DMD: variants seen among roughly 807,000 people sequenced by gnomAD.
The protein encoded by DMD is mutant dystrophin.
A neutral mutation model predicts 330.1 loss-of-function variants in DMD; 63 were observed. The ratio of observed to expected loss-of-function variants is 0.19; its 90% confidence interval spans 0.16 to 0.24. The LOEUF (loss-of-function observed/expected upper bound fraction) is 0.24, where lower values mean the gene tolerates loss of function less well. Ranked by LOEUF, DMD falls within the 10% of genes least tolerant of loss-of-function variation. The pLI is 1.00. For synonymous variants in DMD, 1,223 were observed against 959.8 expected, an observed-to-expected ratio of 1.27 and a Z score of -5.07; for missense variants, 3,344 against 2,684.1, an observed-to-expected ratio of 1.25 and a Z score of -5.43.
At chrX:32,913,409 T>C (rs747350248) in intron 2 of DMD, among the ~76,000 whole-genome samples, 6 of 112,091 alleles carry the variant, frequency 5.4e-5, no homozygotes, top group African/African-American at 1.9e-4. Context: ...TAATCAAAAT[T>C]TATACTAAGG....
chrX:32,095,907 G>GTT (rs35171349), intron 44 of DMD, among the ~76,000 whole-genome samples: 162 of 103,786 alleles, frequency 1.6e-3, no homozygotes, highest in African/African-American at 3.8e-3. Flanking sequence ...TTGATTATAA[G>GTT]TTTTTTTTTT....
intron 60 of DMD, among the ~76,000 whole-genome samples, chrX:31,396,260 C>G (rs1227929557): frequency 9.1e-6 from 1 of 109,655 alleles, no homozygotes; most frequent in Non-Finnish European, 1.9e-5. Context: ...GCCTCAGCCT[C>G]CTGAGTAGCT....
rs1376953884 is a variant in DMD at position 32,616,706 on chromosome X, TTTTTTTTTTCTTTA to T, written c.1332-2267_1332-2254del. ...TTCTGGTTCCTTTTTTTTTTTTTTTTTTTTTTTTTCTTTAAAGAATGTTACTGAAACCCAAGATC... is the reference window on the plus strand; with the variant it reads ...TTCTGGTTCCTTTTTTTTTTTTTTTTAAGAATGTTACTGAAACCCAAGATC... On this transcript the variant is annotated intron_variant, in intron 11 of 78. Coordinates refer to ENST00000357033, the MANE Select transcript of DMD (RefSeq NM_004006.3). 1.9e-3 allele frequency among the ~76,000 whole-genome samples: 165 copies of T among 87,951 alleles called. 2 individuals carry two copies. The highest frequency in any genetic ancestry group is 9.6e-3 in the African/African-American group (156 of 16,250). The allele number at this position is 87,951 out of a possible 115,157, so 76.4% of individuals were successfully genotyped here. A position where few individuals can be genotyped will look rare whatever the true frequency, so the allele number is the denominator to read the frequency against.
rs1278945683 is a variant in DMD, at chrX:32,849,771, C to T, written c.143G>A (p.Arg48Lys). ...GCCTTCGAGGAGGTCTAGGAGGCGC[C>T]TCCCATCCTGTAGGTCACTGAAGAG... ...ENLFSDLQDG[R>K]RLLDLLEGLT... The change falls in exon 3 of 79, where the codon AGG becomes AAG. Residue 48 changes from arginine (R) to lysine (K), a missense_variant. Coordinates refer to ENST00000357033, the MANE Select transcript of DMD (RefSeq NM_004006.3). 1 of 1,210,046 alleles carries T rather than the reference C, an allele frequency of 8.3e-7. No homozygotes were observed. The highest frequency in any genetic ancestry group is 2.2e-5 in the Admixed American group (1 of 45,911).
chrX:31,287,380 A>G (rs2053302087), intron 62 of DMD, among the ~76,000 whole-genome samples: 1 of 112,575 alleles, frequency 8.9e-6, no homozygotes, highest in African/African-American at 3.2e-5. Flanking sequence ...CAAGAGAGGA[A>G]AAGAAAAACA....
chrX:32,726,384 G>C (rs888527771), intron 7 of DMD, among the ~76,000 whole-genome samples: 3 of 111,276 alleles, frequency 2.7e-5, no homozygotes, highest in Admixed American at 9.6e-5. Flanking sequence ...ATGGCAAATG[G>C]CCTTGTGTCA....
At position 32,644,362 on chromosome X, in the gene DMD, G is replaced by T. The variant is rs746517724; in HGVS notation, c.1150-49C>A. 132 of 1,163,821 alleles carry T rather than the reference G, an allele frequency of 1.1e-4. No homozygotes were observed. The South Asian group carries it at 2.3e-3, about 20-fold the overall frequency. The stretch of plus-strand genomic sequence containing the variant: ...TTGTAATTAGAACTCTAGGTAAATC[G>T]GTGTGGTTTTGAGTTTTATTTGTTT... On this transcript the variant is annotated intron_variant, in intron 10 of 78. Transcript: ENST00000357033.
At chrX:32,597,967 T>C (rs1293937992) in intron 12 of DMD, among the ~76,000 whole-genome samples, 1 of 112,312 alleles carries the variant, frequency 8.9e-6, no homozygotes, top group East Asian at 2.8e-4. Flanking sequence ...GTGCTGTCCC[T>C]ACTTGCAAAA....
intron 41 of DMD, among the ~76,000 whole-genome samples, chrX:32,335,098 T>G (rs977601033): frequency 9.0e-6 from 1 of 111,391 alleles, no homozygotes; most frequent in Admixed American, 9.7e-5. Flanking sequence ...ATGTGAAAAC[T>G]CTTTGTGAAT....
At chrX:32,809,985 G>A (rs2077253474) in intron 6 of DMD, among the ~76,000 whole-genome samples, 1 of 103,817 alleles carries the variant, frequency 9.6e-6, no homozygotes, top group African/African-American at 3.5e-5. Flanking sequence ...AGCTGGGTGT[G>A]GTGTCACATG....
intron 59 of DMD, 65 bp downstream of exon 59, chrX:31,478,041 C>T: frequency 1.7e-6 from 2 of 1,156,367 alleles, no homozygotes; most frequent in East Asian, 3.0e-5. Flanking sequence ...ACACTGCACT[C>T]AAGTTCAGAT....
At chrX:32,527,903 G>A (rs1011919367) in intron 17 of DMD, among the ~76,000 whole-genome samples, 3 of 111,804 alleles carry the variant, frequency 2.7e-5, no homozygotes, top group African/African-American at 9.8e-5. Context: ...TGTGGAAGGG[G>A]GGAAGATAGG....
intron 2 of DMD, among the ~76,000 whole-genome samples, chrX:32,888,851 G>A (rs1436333383): frequency 1.8e-5 from 2 of 111,424 alleles, no homozygotes; most frequent in African/African-American, 3.3e-5. Context: ...CTGTAATTGG[G>A]AACAATGTGG....
intron 63 of DMD, among the ~76,000 whole-genome samples, chrX:31,225,373 T>A (rs1045325345): frequency 1.8e-5 from 2 of 112,456 alleles, no homozygotes; most frequent in Admixed American, 9.4e-5. Context: ...TTTTCCTAAT[T>A]AATAGTTAGA....
intron 44 of DMD, among the ~76,000 whole-genome samples, chrX:32,132,993 CTTTTTTTTTTTTTT>C (rs377615262): frequency 7.9e-5 from 6 of 76,010 alleles, no homozygotes; most frequent in African/African-American, 3.4e-4. Context: ...CTTTTCTTTT[CTTTTTTTTTTTTTT>C]TTTTTTTTTT....
intron 37 of DMD, among the ~76,000 whole-genome samples, chrX:32,355,837 C>T (rs2097797130): frequency 9.1e-6 from 1 of 110,239 alleles, no homozygotes. Flanking sequence ...ATTTACAAGT[C>T]TTCATCTCAG....
intron 44 of DMD, among the ~76,000 whole-genome samples, chrX:32,099,863 G>A (rs922264908): frequency 5.7e-5 from 6 of 106,020 alleles, no homozygotes; most frequent in African/African-American, 2.2e-4. Context: ...TGCACACTGT[G>A]CACATGTACC....
chrX:31,480,121 CTCTG>C (rs2068142248), intron 57 of DMD, among the ~76,000 whole-genome samples: 1 of 112,070 alleles, frequency 8.9e-6, no homozygotes, highest in Non-Finnish European at 1.9e-5. Flanking sequence ...CTTTTTTCAA[CTCTG>C]TCTTTTAGCA....
At chrX:32,665,619 A>C (rs138678575) in intron 9 of DMD, among the ~76,000 whole-genome samples, 99 of 112,164 alleles carry the variant, frequency 8.8e-4, no homozygotes, top group Middle Eastern at 4.6e-3. Flanking sequence ...CAAGGAAATC[A>C]TAGTCCAGTG....
Sources: allele counts gnomAD v4.1 joint callset (sites outside exome capture counted in the v4.1 genomes callset), GRCh38; gene constraint gnomAD v4.1.1; transcripts MANE v1.5; gene names NCBI Gene and HGNC (gene_info 2026-07-23, HGNC 2026-07-21).